Variants in GLIS3 observed in about 807,000 individuals in gnomAD.
GLIS3 encodes the protein GLIS family zinc finger 3, also known as zinc finger protein GLIS3.
Under a neutral mutation model 78.6 loss-of-function variants are expected in GLIS3, and 53 were observed. The observed-to-expected ratio is 0.67, with a 90% confidence interval of 0.54 to 0.85. The LOEUF (loss-of-function observed/expected upper bound fraction) is 0.85, where lower values mean the gene tolerates loss of function less well. Ranked by LOEUF, GLIS3 falls within the 40% of genes least tolerant of loss-of-function variation. The pLI is 0.00. For missense variants in GLIS3, 1,703 were observed against 1,231.1 expected (o/e 1.38, Z -5.74); for synonymous variants, 684 against 509.9 (o/e 1.34, Z -4.60).
chr9:4,040,799 G>A (rs1291743929), intron 4 of GLIS3, among the ~76,000 whole-genome samples: 1 of 152,196 alleles, frequency 6.6e-6, no homozygotes, highest in Admixed American at 6.5e-5. Flanking sequence ...AAGTGGTGCT[G>A]TCAACTGGGT....
At chr9:3,869,662 C>G (rs940719165) in intron 8 of GLIS3, among the ~76,000 whole-genome samples, 4 of 152,210 alleles carry the variant, frequency 2.6e-5, no homozygotes, top group African/African-American at 9.6e-5. Context: ...ACACTGGGAC[C>G]TGCCAATGAC....
At chr9:4,239,113 G>A (rs1445773145) in intron 2 of GLIS3, among the ~76,000 whole-genome samples, 1 of 140,452 alleles carries the variant, frequency 7.1e-6, no homozygotes, top group East Asian at 2.1e-4. Flanking sequence ...TTGGTTCCAA[G>A]TCTTTGCTAT....
intron 2 of GLIS3, among the ~76,000 whole-genome samples, chr9:4,247,727 C>G (rs908951844): frequency 6.6e-6 from 1 of 152,102 alleles, no homozygotes; most frequent in Non-Finnish European, 1.5e-5. Flanking sequence ...TGATAGTATA[C>G]TGAGAAAATC....
intron 4 of GLIS3, among the ~76,000 whole-genome samples, chr9:3,990,915 G>A (rs1048921719): frequency 2.6e-5 from 4 of 152,062 alleles, no homozygotes; most frequent in African/African-American, 9.7e-5. Context: ...TTGAAAAACA[G>A]GCCTAACCAA....
intron 2 of GLIS3, among the ~76,000 whole-genome samples, chr9:4,176,831 C>T (rs1816852546): frequency 6.6e-6 from 1 of 152,256 alleles, no homozygotes; most frequent in Non-Finnish European, 1.5e-5. Flanking sequence ...ACCACATTGG[C>T]CAGGCTGGTC....
intron 8 of GLIS3, among the ~76,000 whole-genome samples, chr9:3,867,404 A>C (rs996256540): frequency 1.3e-5 from 2 of 152,252 alleles, no homozygotes; most frequent in Non-Finnish European, 2.9e-5. Flanking sequence ...GTGAGAGAAG[A>C]AAGTTCATTC....
intron 2 of GLIS3, among the ~76,000 whole-genome samples, chr9:4,153,088 G>C (rs200484605): frequency 9.9e-5 from 15 of 152,080 alleles, no homozygotes; most frequent in African/African-American, 3.6e-4. Flanking sequence ...AGCACCCCTC[G>C]TGGTGACAAC....
intron 4 of GLIS3, among the ~76,000 whole-genome samples, chr9:3,963,094 G>A (rs773863933): frequency 1.2e-4 from 18 of 152,076 alleles, no homozygotes; most frequent in Non-Finnish European, 2.6e-4. Context: ...TAATTACATG[G>A]TATAAATAAG....
intron 2 of GLIS3, among the ~76,000 whole-genome samples, chr9:4,257,068 T>G (rs748744211): frequency 1.3e-5 from 2 of 152,102 alleles, no homozygotes; most frequent in Non-Finnish European, 2.9e-5. Flanking sequence ...TGTGTACATA[T>G]GTATGTGTAC....
chr9:4,286,458 T>C lies in GLIS3; in HGVS notation c.-33A>G. 3 of 1,612,104 alleles carry C rather than the reference T, an allele frequency of 1.9e-6. No homozygotes were observed. Among genetic ancestry groups the C allele is most frequent in the Non-Finnish European group, 2.5e-6 (3 of 1,179,868 alleles). On this transcript the variant is annotated 5_prime_UTR_variant, in exon 2 of 11. Transcript: ENST00000381971. The stretch of plus-strand genomic sequence containing the variant: ...AACCTGTGGCCAAGACGGTCAAATA[T>C]CCAATGTCACTAATGACTCCTTTCA...
At position 4,118,027 on chromosome 9, in the gene GLIS3, T is replaced by C; in HGVS notation, c.1451A>G (p.Gln484Arg). The change falls in exon 4 of 11, where the codon CAG becomes CGG. Residue 484 changes from glutamine (Q) to arginine (R), a missense_variant. By Grantham distance (43) the Gln-to-Arg change is conservative (BLOSUM62 1). Coordinates refer to ENST00000381971, the MANE Select transcript of GLIS3 (RefSeq NM_001042413.2). The surrounding 1 kb of genome is among the most constrained non-coding windows in gnomAD (Gnocchi z 4.7). ...CTCCCCGTCGTCGTCCAGGGTGGCC[T>C]GGGGCAAGGCCAGCTGCTGGGCGTG... Reference protein sequence around the residue: ...GPHAQQLALPQATLDDDGEMD... With the variant: ...GPHAQQLALPRATLDDDGEMD... 3 of 1,562,010 alleles carry C rather than the reference T, an allele frequency of 1.9e-6. No individual in the cohort carries two copies. The highest frequency in any genetic ancestry group is 2.6e-6 in the Non-Finnish European group (3 of 1,150,958).
chr9:4,247,077 T>C (rs907551287), intron 2 of GLIS3, among the ~76,000 whole-genome samples: 2 of 152,222 alleles, frequency 1.3e-5, no homozygotes, highest in Non-Finnish European at 2.9e-5. Context: ...TGGATGGCTT[T>C]TGTCAGCCCT....
the GLIS3 span, among the ~76,000 whole-genome samples, chr9:4,417,649 T>C: frequency 0.073 from 11,117 of 152,244 alleles, 851 homozygotes; most frequent in East Asian, 0.3. Context: ...GTAGTGAAAT[T>C]GCTAGGTCAA....
chr9:4,463,920 C>A, the GLIS3 span, among the ~76,000 whole-genome samples: 1 of 152,000 alleles, frequency 6.6e-6, no homozygotes, highest in Admixed American at 6.6e-5. Context: ...TGAGTGAGAA[C>A]TGAGTGAGAA....
At chr9:3,902,540 G>C (rs1165378309) in intron 6 of GLIS3, among the ~76,000 whole-genome samples, 2 of 152,220 alleles carry the variant, frequency 1.3e-5, no homozygotes, top group Non-Finnish European at 2.9e-5. Flanking sequence ...AATAGTTAAA[G>C]AAGATAGAGG....
chr9:4,269,322 C>T (rs1826294971), intron 2 of GLIS3, among the ~76,000 whole-genome samples: 1 of 151,724 alleles, frequency 6.6e-6, no homozygotes, highest in South Asian at 2.1e-4. Flanking sequence ...AATCATGTGA[C>T]AAGACCTGTC....
chr9:4,019,892 C>T (rs1366615719), intron 4 of GLIS3, among the ~76,000 whole-genome samples: 1 of 152,090 alleles, frequency 6.6e-6, no homozygotes, highest in Non-Finnish European at 1.5e-5. Flanking sequence ...ACTACAGGTG[C>T]ATGCCACTTA....
the GLIS3 span, among the ~76,000 whole-genome samples, chr9:4,371,487 C>A: frequency 2.6e-5 from 4 of 152,154 alleles, no homozygotes; most frequent in Non-Finnish European, 5.9e-5. Context: ...AGGTTGGAGT[C>A]TTGTTCACAA....
At chr9:4,404,202 G>A in the GLIS3 span, among the ~76,000 whole-genome samples, 1 of 152,146 alleles carries the variant, frequency 6.6e-6, no homozygotes, top group African/African-American at 2.4e-5. Flanking sequence ...ACCCAACGCT[G>A]GAGCAACCCG....
Sources: gnomAD v4.1 joint callset for allele counts (sites outside exome capture counted in the v4.1 genomes callset) on GRCh38, gnomAD v4.1.1 for gene constraint, Gnocchi (gnomAD v3.1) non-coding constraint, MANE v1.5 for transcripts, NCBI Gene and HGNC (gene_info 2026-07-23, HGNC 2026-07-21) for gene names.